The following SH3RF3 variants were observed in gnomAD, a reference collection of about 807,000 sequenced individuals.
The protein encoded by SH3RF3 is E3 ubiquitin-protein ligase SH3RF3.
In SH3RF3, 29 loss-of-function variants were observed where a neutral mutation model predicts 66.3. The ratio of observed to expected loss-of-function variants is 0.44; its 90% CI spans 0.33 to 0.60. The LOEUF (loss-of-function observed/expected upper bound fraction) is 0.60. SH3RF3 is among the 20% of genes least tolerant of loss of function. The pLI is 0.04. For missense variants in SH3RF3, 1,194 were observed against 1,190.9 expected (o/e 1.00, Z -0.04); for synonymous variants, 583 against 532.0 (o/e 1.10, Z -1.32).
chr2:109,370,527 C>G (rs1420764746), intron 2 of SH3RF3, among the ~76,000 whole-genome samples: 1 of 152,182 alleles, frequency 6.6e-6, no homozygotes, highest in Non-Finnish European at 1.5e-5. Flanking sequence ...GCATGAGCCA[C>G]CGCGCCCGGC....
intron 1 of SH3RF3, among the ~76,000 whole-genome samples, chr2:109,181,442 C>T (rs182939729): frequency 1.3e-3 from 193 of 152,254 alleles, no homozygotes; most frequent in African/African-American, 3.9e-3. Flanking sequence ...TTGCATCTGG[C>T]GCTGTAAGGG....
intron 8 of SH3RF3, among the ~76,000 whole-genome samples, chr2:109,451,437 C>T (rs748853568): frequency 1.3e-5 from 2 of 152,204 alleles, no homozygotes; most frequent in African/African-American, 4.8e-5. Context: ...GTTCCTTAAG[C>T]ATTTCTAGTT....
chr2:109,348,839 T>C (rs1487325194), intron 2 of SH3RF3, among the ~76,000 whole-genome samples: 1 of 152,142 alleles, frequency 6.6e-6, no homozygotes, highest in Non-Finnish European at 1.5e-5. Flanking sequence ...CCCCCAGATG[T>C]AAATGACAGA....
At chr2:109,300,378 C>A (rs1300431146) in intron 1 of SH3RF3, among the ~76,000 whole-genome samples, 1 of 152,090 alleles carries the variant, frequency 6.6e-6, no homozygotes, top group Non-Finnish European at 1.5e-5. Flanking sequence ...TGGGGTTTCA[C>A]CACGTTGGTC....
At chr2:109,396,213 G>A (rs1032396954) in intron 3 of SH3RF3, among the ~76,000 whole-genome samples, 2 of 152,212 alleles carry the variant, frequency 1.3e-5, no homozygotes, top group Non-Finnish European at 2.9e-5. Context: ...GCTGTGGGAG[G>A]GAACAGGCAC....
intron 8 of SH3RF3, among the ~76,000 whole-genome samples, chr2:109,464,936 T>TAAA (rs1678299959): frequency 6.6e-6 from 1 of 152,264 alleles, no homozygotes; most frequent in South Asian, 2.1e-4. Flanking sequence ...CAGGATAGTT[T>TAAA]GACTGCCCTA....
intron 5 of SH3RF3, among the ~76,000 whole-genome samples, chr2:109,420,981 A>C (rs1349139598): frequency 6.6e-6 from 1 of 152,206 alleles, no homozygotes; most frequent in East Asian, 1.9e-4. Context: ...TGAGCAGGCT[A>C]CTTCCAGATG....
chr2:109,432,796 C>T, intron 6 of SH3RF3, 125 bp downstream of exon 6: 1 of 1,315,572 alleles, frequency 7.6e-7, no homozygotes, highest in Non-Finnish European at 1.0e-6. Flanking sequence ...CACCAGTGCC[C>T]AGGGTTCAGC....
chr2:109,268,321 C>T (rs139912163), intron 1 of SH3RF3, among the ~76,000 whole-genome samples: 6,553 of 151,844 alleles, frequency 0.043, 195 homozygotes, highest in Middle Eastern at 0.13. Flanking sequence ...TGGAAGACCC[C>T]CTCACCCACA....
At chr2:109,431,968 C>T (rs1018389003) in intron 5 of SH3RF3, among the ~76,000 whole-genome samples, 3 of 152,164 alleles carry the variant, frequency 2.0e-5, no homozygotes, top group Non-Finnish European at 4.4e-5. Context: ...TTAAAAAGGG[C>T]CTCTGAGGTC....
intron 1 of SH3RF3, among the ~76,000 whole-genome samples, chr2:109,229,452 T>G (rs1246603185): frequency 1.3e-5 from 2 of 152,220 alleles, no homozygotes; most frequent in Non-Finnish European, 2.9e-5. Flanking sequence ...CTCCATGGAC[T>G]CCTCTGGCTA....
intron 3 of SH3RF3, among the ~76,000 whole-genome samples, chr2:109,380,036 A>G (rs1205385720): frequency 6.6e-6 from 1 of 152,182 alleles, no homozygotes; most frequent in African/African-American, 2.4e-5. Flanking sequence ...TAAAGAAATG[A>G]GACAAGACTA....
intron 1 of SH3RF3, among the ~76,000 whole-genome samples, chr2:109,269,985 C>T (rs1477670222): frequency 6.6e-6 from 1 of 152,166 alleles, no homozygotes; most frequent in East Asian, 1.9e-4. Context: ...ATTAATGAAG[C>T]CCTAGGAAAG....
At chr2:109,228,558 G>A (rs751138753) in intron 1 of SH3RF3, among the ~76,000 whole-genome samples, 2 of 152,194 alleles carry the variant, frequency 1.3e-5, no homozygotes, top group Admixed American at 1.3e-4. Context: ...GACCCTGCAG[G>A]TTAAGGGCTC....
In SH3RF3 at chr2:109,360,312, A is replaced by G. The variant is rs79351774; in HGVS notation, c.850-11274A>G. 7.5e-4 allele frequency among the ~76,000 whole-genome samples: 115 copies of G among 152,324 alleles called. 2 individuals carry two copies. In the East Asian group the frequency reaches 0.02, roughly 27 times the overall value. On this transcript the variant is annotated intron_variant, in intron 2 of 9. Transcript: ENST00000309415. ...TGTAAGAAAATGATTGCTTATTGGT[A>G]GCATATAAATCCAGAGTCAGAAGTG...
intron 8 of SH3RF3, among the ~76,000 whole-genome samples, chr2:109,487,531 A>G (rs36145904): frequency 0.68 from 104,079 of 152,158 alleles, 36,241 homozygotes; most frequent in Middle Eastern, 0.84. Context: ...AAGTTAATTA[A>G]GTGTTTAGTT....
At chr2:109,329,310 AAC>A (rs1182461210) in intron 1 of SH3RF3, among the ~76,000 whole-genome samples, 1 of 152,194 alleles carries the variant, frequency 6.6e-6, no homozygotes, top group African/African-American at 2.4e-5. Context: ...TGTGGAAAAA[AAC>A]ACAACTCATG....
intron 3 of SH3RF3, among the ~76,000 whole-genome samples, chr2:109,381,357 T>C (rs1675661484): frequency 6.6e-6 from 1 of 152,212 alleles, no homozygotes; most frequent in East Asian, 1.9e-4. Context: ...CACTTTCCAC[T>C]GAGCAGGTCA....
In SH3RF3 at chr2:109,278,126, A is replaced by C. The variant is rs139089852; in HGVS notation, c.574-69548A>C. Among the ~76,000 whole-genome samples the C allele has an allele frequency of 8.0e-3, 1,217 of 151,820 alleles. 22 individuals carry two copies. The highest frequency in any genetic ancestry group is 0.028 in the African/African-American group (1,164 of 41,376). On this transcript the variant is annotated intron_variant, in intron 1 of 9. Coordinates refer to ENST00000309415, the MANE Select transcript of SH3RF3 (RefSeq NM_001099289.3). ...CAGGAGGTCTAGGCTGCAGTGAGCC[A>C]TGATTGTGCCACTGCAGTCCAGCCT...
Sources: gnomAD v4.1 joint callset for allele counts (sites outside exome capture counted in the v4.1 genomes callset) on GRCh38, gnomAD v4.1.1 for gene constraint, MANE v1.5 for transcripts, NCBI Gene and HGNC (gene_info 2026-07-23, HGNC 2026-07-21) for gene names.